Variants in EPS8L3 observed in about 807,000 individuals in gnomAD.
The protein encoded by EPS8L3 is epidermal growth factor receptor kinase substrate 8-like protein 3.
In EPS8L3, 80 loss-of-function variants were observed where a neutral mutation model predicts 88.5. The observed-to-expected ratio is 0.90, with a 90% CI of 0.75 to 1.09. The LOEUF (loss-of-function observed/expected upper bound fraction) is 1.09. Ranked by LOEUF, EPS8L3 falls within the 50% of genes least tolerant of loss-of-function variation. EPS8L3 has a pLI of 0.00. For missense variants in EPS8L3, 721 were observed against 735.2 expected (o/e 0.98, Z 0.22); for synonymous variants, 286 against 291.0 (o/e 0.98, Z 0.18).
chr1:109,758,089 G>A (rs369628426), intron 8 of EPS8L3, 31 bp from the exon 9 acceptor site: 25 of 1,590,212 alleles, frequency 1.6e-5, no homozygotes, highest in East Asian at 1.1e-4. Flanking sequence ...GGCCTTGAAC[G>A]GGCAGTTGGG....
intron 1 of EPS8L3, among the ~76,000 whole-genome samples, chr1:109,762,413 C>A (rs1205230587): frequency 6.6e-6 from 1 of 152,158 alleles, no homozygotes; most frequent in Admixed American, 6.5e-5. Flanking sequence ...CTGACCCCAA[C>A]CCTTTAAATT....
Position 109,757,531 on chromosome 1 carries a change from C to A in EPS8L3, c.919G>T (p.Glu307Ter), listed in dbSNP as rs764900367. The change falls in exon 11 of 19, where the codon GAG becomes TAG. Residue 307 changes from glutamate to a stop codon, truncating the protein, a stop_gained. Coordinates refer to ENST00000361965, the MANE Select transcript of EPS8L3 (RefSeq NM_133181.4). LOFTEE classifies it high-confidence loss of function. ...LLGRLATWLK[E>*]TSAPELVHIL... ...TGTACGAGCTCAGGGGCACTTGTCT[C>A]CTTCAGCCAGGTGGCCAGCCTTCCC... 1.9e-6 allele frequency: 3 copies of A among 1,614,100 alleles called. No individual in the cohort carries two copies. The South Asian group carries it at 3.3e-5, about 18-fold the overall frequency.
Position 109,760,332 on chromosome 1 carries a change from C to T in EPS8L3, c.97-496G>A, listed in dbSNP as rs143674083. On this transcript the variant is annotated intron_variant, in intron 3 of 18. Transcript: ENST00000361965. ...AGATATCCATCGTGATCTCAGTCTCCGCTCAAGTCCTTGCCTACTGCTAGG... is the reference window on the plus strand; with the variant it reads ...AGATATCCATCGTGATCTCAGTCTCTGCTCAAGTCCTTGCCTACTGCTAGG... Among the ~76,000 whole-genome samples, 722 of 152,278 alleles carry T rather than the reference C, an allele frequency of 4.7e-3. 5 individuals are homozygous for T. Among genetic ancestry groups the T allele is most frequent in the African/African-American group, 0.017 (690 of 41,558 alleles).
chr1:109,761,163 T>G (rs1475075083), intron 3 of EPS8L3: 2 of 257,506 alleles, frequency 7.8e-6, no homozygotes, highest in South Asian at 7.5e-5. Context: ...CAGCAGGGGG[T>G]TGGGAGACAG....
At chr1:109,761,904 G>A (rs1651011032) in intron 1 of EPS8L3, 131 bp from the exon 2 acceptor site, 2 of 755,368 alleles carry the variant, frequency 2.6e-6, no homozygotes, top group East Asian at 2.7e-5. Flanking sequence ...CTGGCTCCAG[G>A]GGCCCTTTCC....
chr1:109,758,906 C>T (rs866592298), intron 6 of EPS8L3, among the ~76,000 whole-genome samples, 156 bp downstream of exon 6: 10 of 152,166 alleles, frequency 6.6e-5, no homozygotes, highest in African/African-American at 2.4e-4. Context: ...GGGCCCAGCC[C>T]CTTGCCTATG....
Position 109,758,058 on chromosome 1 carries a change from C to G in EPS8L3, c.718G>C (p.Glu240Gln), listed in dbSNP as rs372362835. The G allele has an allele frequency of 6.2e-7, 1 of 1,613,490 alleles. No individual in the cohort carries two copies. The highest frequency in any genetic ancestry group is 1.3e-5 in the African/African-American group (1 of 74,932). Residue 240 changes from glutamate to glutamine, a missense_variant and splice_region_variant, in exon 9 of 19, where the codon GAA (glutamate) becomes CAA (glutamine). By Grantham distance (29) the Glu-to-Gln change is conservative. Coordinates refer to ENST00000361965, the MANE Select transcript of EPS8L3 (RefSeq NM_133181.4). ...SSPEDPERDE[E>Q]VLNHVLRDIE... ...TCCCTTAGGACATGGTTCAGCACTTCCTGGGCCCCAAACAACCCATGGCCT... is the reference window on the plus strand; with the variant it reads ...TCCCTTAGGACATGGTTCAGCACTTGCTGGGCCCCAAACAACCCATGGCCT...
Position 109,757,126 on chromosome 1 carries a change from C to T in EPS8L3, c.1009G>A (p.Val337Met). The T allele has an allele frequency of 1.2e-6, 2 of 1,613,722 alleles. No homozygotes were observed. Among genetic ancestry groups the T allele is most frequent in the Non-Finnish European group, 1.7e-6 (2 of 1,179,772 alleles). The change falls in exon 12 of 19, where the codon GTG (valine) becomes ATG (methionine). Residue 337 changes from valine to methionine, a missense_variant. Transcript: ENST00000361965. ...RCPEAGLAAQ[V>M]ISPLLTPKAI... ...TTAGGGGTGAGGAGGGGTGAGATCACTTGGGCTGCTAGGCCAGCCTCAGGG... is the reference window on the plus strand; with the variant it reads ...TTAGGGGTGAGGAGGGGTGAGATCATTTGGGCTGCTAGGCCAGCCTCAGGG...
At chr1:109,752,931 C>T (rs58548898) in intron 13 of EPS8L3, among the ~76,000 whole-genome samples, 186 bp downstream of exon 13, 9,975 of 152,252 alleles carry the variant, frequency 0.066, 359 homozygotes, top group Admixed American at 0.097. Context: ...GCCTATGTCC[C>T]AGCCCTGAGA....
rs150209958 is a variant in EPS8L3 at position 109,759,924 on chromosome 1, A to G, written c.97-88T>C. ...CTGGGTAGAGAAAAGCAGAAGAGGA[A>G]GAAGACGTGTCCTCGGCCCCCTTGA... On this transcript the variant is annotated intron_variant, in intron 3 of 18. Transcript: ENST00000361965. The surrounding 1 kb of genome is among the most constrained non-coding windows in gnomAD (Gnocchi z 4.2). The G allele has an allele frequency of 4.0e-3, 5,622 of 1,416,812 alleles. 19 individuals carry two copies. The highest frequency in any genetic ancestry group is 4.8e-3 in the Non-Finnish European group (4,965 of 1,037,582). The allele number at this position is 1,416,812 out of a possible 1,614,324, so 87.8% of individuals were successfully genotyped here.
chr1:109,750,381 A>T lies in EPS8L3; in HGVS notation c.*10T>A, dbSNP rs777842051. On this transcript the variant is annotated 3_prime_UTR_variant, in exon 19 of 19. Transcript: ENST00000361965. The stretch of plus-strand genomic sequence containing the variant: ...CGGGGCCTGGTTCTTGGAGGTGTCT[A>T]AGCTGGTGCCTAAGGGCTTATCTGA... 1.9e-6 allele frequency: 3 copies of T among 1,613,770 alleles called. No individual in the cohort carries two copies. The highest frequency in any genetic ancestry group is 1.1e-5 in the South Asian group (1 of 90,934).
chr1:109,757,259 C>G (rs1650374852), intron 11 of EPS8L3, 94 bp from the exon 12 acceptor site: 1 of 1,412,286 alleles, frequency 7.1e-7, no homozygotes, highest in Non-Finnish European at 9.5e-7. Context: ...CCCACTTTTG[C>G]AATGGTAGGA....
In EPS8L3 at chr1:109,759,641, C is replaced by A. The variant is rs775980333; in HGVS notation, c.255+37G>T. On this transcript the variant is annotated intron_variant, in intron 4 of 18. Transcript: ENST00000361965. The surrounding 1 kb of genome is among the most constrained non-coding windows in gnomAD (Gnocchi z 4.2). Reference sequence around the variant, plus strand: ...AGCTAGTGCTTGCTTCCCCACAGCCCAGGCTGGCTATCACTGGGTTTGCTG... The same window carrying A: ...AGCTAGTGCTTGCTTCCCCACAGCCAAGGCTGGCTATCACTGGGTTTGCTG... 6.2e-7 allele frequency: 1 copy of A among 1,606,044 alleles called. No individual in the cohort carries two copies. The highest frequency in any genetic ancestry group is 2.2e-5 in the East Asian group (1 of 44,840).
At chr1:109,761,461 T>C (rs757308674) in intron 3 of EPS8L3, 34 bp downstream of exon 3, 20 of 1,586,618 alleles carry the variant, frequency 1.3e-5, no homozygotes, top group Admixed American at 5.1e-5. Flanking sequence ...TTGGGTTTAG[T>C]TGGACACTGC....
At chr1:109,761,903 G>A (rs1651010757) in intron 1 of EPS8L3, 130 bp from the exon 2 acceptor site, 5 of 759,086 alleles carry the variant, frequency 6.6e-6, no homozygotes, top group African/African-American at 1.7e-5. Flanking sequence ...CCTGGCTCCA[G>A]GGGCCCTTTC....
chr1:109,763,842 G>A lies in EPS8L3; in HGVS notation c.-45C>T, dbSNP rs112665321. The A allele has an allele frequency of 3.3e-5, 5 of 153,012 alleles. No individual in the cohort carries two copies. The highest frequency in any genetic ancestry group is 9.6e-5 in the African/African-American group (4 of 41,578). The allele number at this position is 153,012 out of a possible 1,614,324, so 9.5% of individuals were successfully genotyped here. On this transcript the variant is annotated 5_prime_UTR_variant, in exon 1 of 19. Transcript: ENST00000361965. ...CTTACCTGGGTGCCAGTGAAGGCCG[G>A]GTGCCTGGTCCCCCCAGGAGGCTGG...
At chr1:109,752,241 A>T (rs1485891012) in intron 14 of EPS8L3, 48 bp from the exon 15 acceptor site, 1 of 1,550,824 alleles carries the variant, frequency 6.4e-7, no homozygotes, top group Admixed American at 1.8e-5. Context: ...TCAGAAATTA[A>T]GCCTATGTCC....
In EPS8L3 at chr1:109,750,766, G is replaced by T. The variant is rs145677992; in HGVS notation, c.1664C>A (p.Thr555Lys). The T allele has an allele frequency of 6.2e-7, 1 of 1,614,026 alleles. No homozygotes were observed. Among genetic ancestry groups the T allele is most frequent in the African/African-American group, 1.3e-5 (1 of 74,926 alleles). The stretch of plus-strand genomic sequence containing the variant: ...TCTTATGCGAAGTAGCTGGCTCCCC[G>T]TCAGGGACCCAAGTGTCCTCACCGT... ...TATVRTLGSL[T>K]GSQLLRIRPG... Residue 555 changes from threonine to lysine, a missense_variant, in exon 18 of 19, where the codon ACG becomes AAG. Thr to Lys is a moderately conservative substitution (Grantham distance 78). Transcript: ENST00000361965.
intron 17 of EPS8L3, among the ~76,000 whole-genome samples, chr1:109,751,062 C>T (rs371736113): frequency 6.6e-6 from 1 of 152,182 alleles, no homozygotes; most frequent in South Asian, 2.1e-4. Context: ...AGTCCACTCC[C>T]CTGATCCTTG....
Sources: gnomAD v4.1 joint callset for allele counts (sites outside exome capture counted in the v4.1 genomes callset) on GRCh38, gnomAD v4.1.1 for gene constraint, Gnocchi (gnomAD v3.1) non-coding constraint, MANE v1.5 for transcripts, NCBI Gene and HGNC (gene_info 2026-07-23, HGNC 2026-07-21) for gene names.